PTPRR: variants seen among roughly 807,000 people sequenced by gnomAD.
PTPRR encodes the protein receptor-type tyrosine-protein phosphatase R.
Under a neutral mutation model 77.2 loss-of-function variants are expected in PTPRR, and 38 were observed. The observed-to-expected ratio is 0.49, with a 90% confidence interval of 0.38 to 0.65. The LOEUF (loss-of-function observed/expected upper bound fraction) is 0.65, where lower values mean the gene tolerates loss of function less well. Among genes scored for constraint, PTPRR ranks in the 30% least tolerant of loss-of-function variants. The pLI is 0.00. For synonymous variants in PTPRR, 299 were observed against 283.1 expected, an observed-to-expected ratio of 1.06 and a Z score of -0.57; for missense variants, 744 against 799.2, an observed-to-expected ratio of 0.93 and a Z score of 0.83.
At chr12:70,715,908 T>C (rs1325569822) in intron 6 of PTPRR, among the ~76,000 whole-genome samples, 1 of 152,158 alleles carries the variant, frequency 6.6e-6, no homozygotes, top group Admixed American at 6.5e-5. Flanking sequence ...GAGATTAAAG[T>C]AAAGACAGGC....
At chr12:70,770,715 T>C (rs761506311) in intron 2 of PTPRR, among the ~76,000 whole-genome samples, 3 of 152,168 alleles carry the variant, frequency 2.0e-5, no homozygotes, top group Non-Finnish European at 2.9e-5. Flanking sequence ...CATAGGTTTA[T>C]TGCGGCACAA....
At chr12:70,861,014 G>T (rs1398440617) in intron 2 of PTPRR, among the ~76,000 whole-genome samples, 2 of 152,086 alleles carry the variant, frequency 1.3e-5, no homozygotes, top group African/African-American at 4.8e-5. Flanking sequence ...TTCCTCCATT[G>T]GAATAAAAGC....
At chr12:70,648,084 T>A (rs1018637366) in intron 13 of PTPRR, among the ~76,000 whole-genome samples, 1 of 152,156 alleles carries the variant, frequency 6.6e-6, no homozygotes, top group Non-Finnish European at 1.5e-5. Context: ...CAGAATTTAG[T>A]CAATCTAATT....
intron 12 of PTPRR, among the ~76,000 whole-genome samples, chr12:70,658,943 A>G (rs1480516870): frequency 2.5e-5 from 3 of 122,342 alleles, no homozygotes; most frequent in African/African-American, 6.5e-5. Flanking sequence ...TCTGTCGCAC[A>G]GGCTGCTGAA....
At chr12:70,850,951 T>G (rs1892562954) in intron 2 of PTPRR, among the ~76,000 whole-genome samples, 1 of 152,150 alleles carries the variant, frequency 6.6e-6, no homozygotes, top group Non-Finnish European at 1.5e-5. Context: ...TTTTTCCTCA[T>G]TCTCTTCCCT....
chr12:70,684,167 G>T lies in PTPRR; in HGVS notation c.1457C>A (p.Pro486His). Reference sequence around the variant, plus strand: ...GAGTTTTGTGATCATAACAATCACAGGGCTGTCTTCCTGCCAAACCATCTG... The same window carrying T: ...GAGTTTTGTGATCATAACAATCACATGGCTGTCTTCCTGCCAAACCATCTG... Reference protein sequence around the residue: ...FWQMVWQEDSPVIVMITKLKE... With the variant: ...FWQMVWQEDSHVIVMITKLKE... The change falls in exon 10 of 14, where the codon CCT (proline) becomes CAT (histidine). Residue 486 changes from proline (P) to histidine (H), a missense_variant. Around this residue, in one of 3 missense-constraint regions of PTPRR, gnomAD observed 170 missense variants for 209.8 expected, o/e 0.81. Transcript: ENST00000283228. 6.2e-7 allele frequency: 1 copy of T among 1,613,932 alleles called. No individual in the cohort carries two copies. The highest frequency in any genetic ancestry group is 8.5e-7 in the Non-Finnish European group (1 of 1,179,912).
At position 70,823,128 on chromosome 12, in the gene PTPRR, CACACACA is replaced by C. The variant is rs1892050451; in HGVS notation, c.358-58357_358-58351del. ...TCTCTGACACACACACACACACACA[CACACACA>C]CACACACACACACACACACAGAGTT... On this transcript the variant is annotated intron_variant, in intron 2 of 13. Coordinates refer to ENST00000283228, the MANE Select transcript of PTPRR (RefSeq NM_002849.4). Among the ~76,000 whole-genome samples the C allele has an allele frequency of 4.0e-5, 6 of 151,320 alleles. No homozygotes were observed. In the South Asian group the frequency reaches 1.3e-3, roughly 32 times the overall value.
chr12:70,746,665 AC>A (rs1461793625), intron 5 of PTPRR, among the ~76,000 whole-genome samples: 9 of 152,124 alleles, frequency 5.9e-5, no homozygotes, highest in Admixed American at 3.3e-4. Context: ...TTTTATTCTT[AC>A]CACTTTGCCC....
At chr12:70,742,464 T>C (rs1890078688) in intron 6 of PTPRR, among the ~76,000 whole-genome samples, 2 of 152,152 alleles carry the variant, frequency 1.3e-5, no homozygotes, top group Admixed American at 1.3e-4. Flanking sequence ...AATGGCATGG[T>C]ACCTGGAAAA....
At chr12:70,652,013 C>T (rs1188173822) in intron 13 of PTPRR, among the ~76,000 whole-genome samples, 1 of 152,018 alleles carries the variant, frequency 6.6e-6, no homozygotes, top group East Asian at 1.9e-4. Context: ...TGATTAAATA[C>T]ATTCTGTATG....
At chr12:70,848,073 G>A (rs1293479601) in intron 2 of PTPRR, among the ~76,000 whole-genome samples, 1 of 152,014 alleles carries the variant, frequency 6.6e-6, no homozygotes, top group Non-Finnish European at 1.5e-5. Context: ...TAAATTACAA[G>A]AGATTCCCAT....
intron 10 of PTPRR, among the ~76,000 whole-genome samples, chr12:70,679,853 C>G (rs1887591698): frequency 6.6e-6 from 1 of 152,208 alleles, no homozygotes; most frequent in Admixed American, 6.5e-5. Flanking sequence ...TTTGGCCACT[C>G]TATATCTTTT....
chr12:70,725,704 TA>T lies in PTPRR; in HGVS notation c.1007+20113del, dbSNP rs778183800. On this transcript the variant is annotated intron_variant, in intron 6 of 13. Transcript: ENST00000283228. ...AACAGAGAAAATGGGGGAAAAGAAT[TA>T]AAAAAAATTAGAATTGGTTATTTCT... 1.5e-4 allele frequency among the ~76,000 whole-genome samples: 23 copies of T among 152,104 alleles called. No homozygotes were observed. In the East Asian group the frequency reaches 3.9e-3, roughly 26 times the overall value.
chr12:70,704,443 A>G (rs901873485), intron 6 of PTPRR, among the ~76,000 whole-genome samples: 1 of 151,938 alleles, frequency 6.6e-6, no homozygotes, highest in African/African-American at 2.4e-5. Context: ...ATAAATAAAT[A>G]CATAAATAAC....
chr12:70,913,568 A>C (rs1893732487), intron 1 of PTPRR, among the ~76,000 whole-genome samples: 1 of 152,132 alleles, frequency 6.6e-6, no homozygotes, highest in Admixed American at 6.5e-5. Flanking sequence ...TTCTATTCTT[A>C]AGTAGTACTG....
intron 2 of PTPRR, among the ~76,000 whole-genome samples, chr12:70,871,377 TTTG>T (rs1349082509): frequency 6.6e-6 from 1 of 152,174 alleles, no homozygotes; most frequent in Non-Finnish European, 1.5e-5. Flanking sequence ...TGCCCTGCGC[TTTG>T]CACTCTGACT....
intron 2 of PTPRR, among the ~76,000 whole-genome samples, chr12:70,840,970 G>GTTTT: frequency 2.3e-5 from 2 of 86,654 alleles, no homozygotes; most frequent in African/African-American, 6.6e-5. Flanking sequence ...AGTTTTTATG[G>GTTTT]CTTTTTTTTT....
chr12:70,664,826 A>G (rs1886923945), intron 10 of PTPRR: 1 of 152,204 alleles, frequency 6.6e-6, no homozygotes, highest in Non-Finnish European at 1.5e-5. Context: ...CTGAGATACA[A>G]TAGCTTATTT....
At chr12:70,827,544 CTTTCTTTTTTTT>C (rs1248442761) in intron 2 of PTPRR, among the ~76,000 whole-genome samples, 2 of 147,548 alleles carry the variant, frequency 1.4e-5, no homozygotes, top group Non-Finnish European at 1.5e-5. Context: ...TTCTTTCTTT[CTTTCTTTTTTTT>C]TTTCTTTTTG....
Sources: gnomAD v4.1 joint callset for allele counts (sites outside exome capture counted in the v4.1 genomes callset) on GRCh38, gnomAD v4.1.1 for gene constraint, gnomAD v4.1.1 regional missense constraint, MANE v1.5 for transcripts, NCBI Gene and HGNC (gene_info 2026-07-23, HGNC 2026-07-21) for gene names.